The following FBXO4 variants were observed in gnomAD, a reference collection of about 807,000 sequenced individuals.
The protein encoded by FBXO4 is F-box protein 4.
A neutral mutation model predicts 43.7 loss-of-function variants in FBXO4; 36 were observed. The ratio of observed to expected loss-of-function variants is 0.82; its 90% confidence interval spans 0.63 to 1.09. FBXO4 has a LOEUF of 1.09. Ranked by LOEUF, FBXO4 falls within the 50% of genes least tolerant of loss-of-function variation. FBXO4 has a pLI of 0.00. For synonymous variants in FBXO4, 180 were observed against 165.6 expected (o/e 1.09, Z -0.67); for missense variants, 435 against 474.1 (o/e 0.92, Z 0.77).
At chr5:42,027,705 G>A in the FBXO4 span, among the ~76,000 whole-genome samples, 17 of 151,666 alleles carry the variant, frequency 1.1e-4, no homozygotes, top group Non-Finnish European at 1.8e-4. Context: ...CCATAGTACT[G>A]GTTTTGCTGT....
At chr5:41,946,187 G>A (rs907735150), downstream of FBXO4, among the ~76,000 whole-genome samples, 3 of 152,186 alleles carry the variant, frequency 2.0e-5, no homozygotes, top group Admixed American at 6.5e-5. Flanking sequence ...TGTCTTGTGT[G>A]TGTCTATTAT....
the FBXO4 span, among the ~76,000 whole-genome samples, chr5:41,999,474 TATACACATATATATATATAC>T: frequency 2.5e-4 from 7 of 27,836 alleles, no homozygotes; most frequent in African/African-American, 5.8e-4. Flanking sequence ...TGTATATATA[TATACACATATATATATATAC>T]ATATATATAT....
the FBXO4 span, among the ~76,000 whole-genome samples, chr5:42,022,391 T>C: frequency 2.6e-5 from 4 of 152,164 alleles, no homozygotes; most frequent in Non-Finnish European, 5.9e-5. Flanking sequence ...AATTTTCAGC[T>C]TTATTTATAT....
At chr5:41,979,122 C>T in the FBXO4 span, among the ~76,000 whole-genome samples, 3 of 152,108 alleles carry the variant, frequency 2.0e-5, no homozygotes, top group East Asian at 1.9e-4. Context: ...TGGATTTTGC[C>T]TCTATGTCTT....
At chr5:41,953,877 A>T in the FBXO4 span, among the ~76,000 whole-genome samples, 1 of 152,016 alleles carries the variant, frequency 6.6e-6, no homozygotes, top group Admixed American at 6.6e-5. Flanking sequence ...GTTGGAGTTC[A>T]TTGTAGATTC....
the FBXO4 span, among the ~76,000 whole-genome samples, chr5:41,985,408 G>A: frequency 1.3e-5 from 2 of 152,246 alleles, no homozygotes; most frequent in Middle Eastern, 3.4e-3. Context: ...AGGATTACAA[G>A]GCACAGGTAA....
chr5:41,949,380 C>T, the FBXO4 span, among the ~76,000 whole-genome samples: 7 of 152,178 alleles, frequency 4.6e-5, no homozygotes, highest in Non-Finnish European at 1.0e-4. Context: ...TCTCAGGATA[C>T]AAAATCAATG....
At chr5:41,935,273 C>T (rs1025500865) in intron 5 of FBXO4, among the ~76,000 whole-genome samples, 1 of 152,166 alleles carries the variant, frequency 6.6e-6, no homozygotes, top group African/African-American at 2.4e-5. Flanking sequence ...CACTTATCAG[C>T]TTTTTCCCAC....
the FBXO4 span, among the ~76,000 whole-genome samples, chr5:41,977,136 G>C: frequency 6.6e-6 from 1 of 152,132 alleles, no homozygotes; most frequent in African/African-American, 2.4e-5. Flanking sequence ...TTTCCTCCTA[G>C]GCCTATAAAC....
the FBXO4 span, among the ~76,000 whole-genome samples, chr5:42,034,623 C>T: frequency 1.3e-5 from 2 of 152,108 alleles, no homozygotes; most frequent in Non-Finnish European, 2.9e-5. Flanking sequence ...AATAGGGAAT[C>T]CTTTCCCCAT....
chr5:41,995,083 CTA>C, the FBXO4 span, among the ~76,000 whole-genome samples: 2 of 152,264 alleles, frequency 1.3e-5, no homozygotes, highest in African/African-American at 4.8e-5. Flanking sequence ...TTTCACCATT[CTA>C]TTAGTCTAGC....
chr5:42,031,352 A>G, the FBXO4 span, among the ~76,000 whole-genome samples: 1 of 151,820 alleles, frequency 6.6e-6, no homozygotes, highest in Non-Finnish European at 1.5e-5. Context: ...GCAAACTATC[A>G]CAAGGACAAA....
At chr5:42,013,607 C>T in the FBXO4 span, among the ~76,000 whole-genome samples, 1 of 152,192 alleles carries the variant, frequency 6.6e-6, no homozygotes, top group Admixed American at 6.5e-5. Context: ...TCTCCATTCT[C>T]ACTTCTATTT....
At chr5:41,928,272 T>G (rs1751570376) in intron 2 of FBXO4, among the ~76,000 whole-genome samples, 1 of 152,182 alleles carries the variant, frequency 6.6e-6, no homozygotes, top group Non-Finnish European at 1.5e-5. Context: ...GTAATAATAG[T>G]AACTACCATT....
chr5:41,999,549 A>ATGTG, the FBXO4 span, among the ~76,000 whole-genome samples: 3 of 130,988 alleles, frequency 2.3e-5, no homozygotes, highest in African/African-American at 9.4e-5. Context: ...ATATATGTAT[A>ATGTG]TATATATATA....
rs757131216 is a variant in FBXO4, at chr5:41,926,926, GTTAT to G, written c.190-80_190-77del. On this transcript the variant is annotated intron_variant, in intron 1 of 6. Coordinates refer to ENST00000281623, the MANE Select transcript of FBXO4 (RefSeq NM_012176.3). Reference sequence around the variant, plus strand: ...AAAAATACTAGTCAGTTGACCTTTTGTTATTTATTTGTTGATTATGTGGTTTATC... The same window carrying G: ...AAAAATACTAGTCAGTTGACCTTTTGTTATTTGTTGATTATGTGGTTTATC... The G allele has an allele frequency of 2.8e-5, 20 of 718,034 alleles. No homozygotes were observed. The South Asian group carries it at 3.0e-4, about 11-fold the overall frequency. The allele number at this position is 718,034 out of a possible 1,614,324, so 44.5% of individuals were successfully genotyped here.
the FBXO4 span, among the ~76,000 whole-genome samples, chr5:42,018,482 ATTAGG>A: frequency 1.3e-5 from 2 of 152,154 alleles, no homozygotes; most frequent in Admixed American, 6.6e-5. Flanking sequence ...GACACAATTA[ATTAGG>A]TTAACAGTTA....
Position 41,925,371 on chromosome 5 carries a change from G to A in FBXO4, c.62G>A (p.Gly21Asp). 1.5e-6 allele frequency: 2 copies of A among 1,376,430 alleles called. No homozygotes were observed. Among genetic ancestry groups the A allele is most frequent in the South Asian group, 1.7e-5 (1 of 59,092 alleles). 85.3% of individuals were successfully genotyped at this position (1,376,430 alleles called of 1,614,324 possible). ...NSPPPPFSDW[G>D]RLEAAILSGW... ...CCGCCGCCGCCCTTCAGCGACTGGGGCCGCCTGGAGGCGGCCATCCTCAGC... is the reference window on the plus strand; with the variant it reads ...CCGCCGCCGCCCTTCAGCGACTGGGACCGCCTGGAGGCGGCCATCCTCAGC... The change falls in exon 1 of 7, where the codon GGC becomes GAC. Residue 21 changes from glycine to aspartate, a missense_variant. By Grantham distance (94) the Gly-to-Asp change is moderately conservative. Transcript: ENST00000281623.
the FBXO4 span, among the ~76,000 whole-genome samples, chr5:41,985,481 C>T: frequency 2.9e-4 from 44 of 152,100 alleles, 1 homozygote; most frequent in African/African-American, 8.9e-4. Flanking sequence ...TTCCTGGAAT[C>T]TTTATAATTA....
Sources: gnomAD v4.1 joint callset for allele counts (sites outside exome capture counted in the v4.1 genomes callset) on GRCh38, gnomAD v4.1.1 for gene constraint, MANE v1.5 for transcripts, NCBI Gene and HGNC (gene_info 2026-07-23, HGNC 2026-07-21) for gene names.